BRINP1: variants seen among roughly 807,000 people sequenced by gnomAD.
BRINP1 encodes the protein BMP/retinoic acid inducible neural specific 1, also known as BMP/retinoic acid-inducible neural-specific protein 1.
In BRINP1, 17 loss-of-function variants were observed where a neutral mutation model predicts 72.9. That is an observed-to-expected ratio of 0.23 (90% CI 0.16 to 0.35). The LOEUF (loss-of-function observed/expected upper bound fraction) is 0.35, where lower values mean the gene tolerates loss of function less well. Ranked by LOEUF, BRINP1 falls within the 10% of genes least tolerant of loss-of-function variation. The pLI is 1.00. For synonymous variants in BRINP1, 418 were observed against 378.5 expected, an observed-to-expected ratio of 1.10 and a Z score of -1.21; for missense variants, 850 against 1,001.6, an observed-to-expected ratio of 0.85 and a Z score of 2.04.
chr9:119,181,122 C>T (rs572120814), intron 7 of BRINP1, among the ~76,000 whole-genome samples: 1 of 152,218 alleles, frequency 6.6e-6, no homozygotes, highest in South Asian at 2.1e-4. Context: ...GGAAGGCGCC[C>T]GGAGCTTCTC....
chr9:119,316,336 C>T (rs983892425), intron 1 of BRINP1, among the ~76,000 whole-genome samples: 3 of 152,202 alleles, frequency 2.0e-5, no homozygotes, highest in Non-Finnish European at 2.9e-5. Flanking sequence ...GATCTGCCCG[C>T]CTCAGCCTCC....
At chr9:119,203,084 C>T (rs1829821368) in intron 7 of BRINP1, among the ~76,000 whole-genome samples, 1 of 152,098 alleles carries the variant, frequency 6.6e-6, no homozygotes, top group Non-Finnish European at 1.5e-5. Context: ...CTACTACCCT[C>T]AACCTTGACG....
At chr9:119,168,805 A>C (rs1028156864) in intron 7 of BRINP1, among the ~76,000 whole-genome samples, 3 of 152,162 alleles carry the variant, frequency 2.0e-5, no homozygotes, top group Non-Finnish European at 2.9e-5. Context: ...GGTTTTTTAG[A>C]ACATGTTAGA....
intron 7 of BRINP1, among the ~76,000 whole-genome samples, chr9:119,173,440 T>G (rs1207915886): frequency 6.6e-6 from 1 of 151,244 alleles, no homozygotes; most frequent in Non-Finnish European, 1.5e-5. Flanking sequence ...GTGAAGGACC[T>G]CTTCAAGGAG....
At chr9:119,183,698 T>C (rs1449915848) in intron 7 of BRINP1, among the ~76,000 whole-genome samples, 52 of 152,210 alleles carry the variant, frequency 3.4e-4, no homozygotes, top group Admixed American at 3.4e-3. Flanking sequence ...CAGCAAAACA[T>C]GACATTTTCA....
intron 2 of BRINP1, among the ~76,000 whole-genome samples, chr9:119,311,834 C>A (rs1831072196): frequency 6.6e-6 from 1 of 152,190 alleles, no homozygotes; most frequent in African/African-American, 2.4e-5. Flanking sequence ...CATTTGGAAG[C>A]TATACCAGGG....
intron 2 of BRINP1, among the ~76,000 whole-genome samples, chr9:119,282,299 G>T (rs1588190139): frequency 6.6e-6 from 1 of 152,182 alleles, no homozygotes; most frequent in East Asian, 1.9e-4. Context: ...AAATCCACAG[G>T]AGGAAAGAGC....
rs376944365 is a variant in BRINP1, at chr9:119,332,170, C to T, written c.-50-18765G>A. Among the ~76,000 whole-genome samples the T allele has an allele frequency of 2.0e-4, 30 of 152,300 alleles. 1 individual carries two copies. In the South Asian group the frequency reaches 6.0e-3, roughly 30 times the overall value. ...TCCCATGTGTATGATTTTCAGAAGG[C>T]TACGTCACCACTCCGAGGATCTATT... is the stretch of plus-strand genomic sequence containing the variant. On this transcript the variant is annotated intron_variant, in intron 1 of 7. Coordinates refer to ENST00000265922, the MANE Select transcript of BRINP1 (RefSeq NM_014618.3).
At chr9:119,367,405 GGCTGCC>G (rs1437165490) in intron 1 of BRINP1, among the ~76,000 whole-genome samples, 2 of 151,802 alleles carry the variant, frequency 1.3e-5, no homozygotes, top group East Asian at 3.9e-4. Flanking sequence ...AGAGCAGAAC[GGCTGCC>G]GCTTACCTTG....
At chr9:119,175,135 C>CA (rs112641044) in intron 7 of BRINP1, among the ~76,000 whole-genome samples, 3,880 of 106,624 alleles carry the variant, frequency 0.036, 80 homozygotes, top group Middle Eastern at 0.078. Context: ...AAAAAAAAGA[C>CA]AAAAAAAAAA....
At position 119,167,428 on chromosome 9, in the gene BRINP1, A is replaced by C. The variant is rs748729712; in HGVS notation, c.1942T>G (p.Phe648Val). The change falls in exon 8 of 8, where the codon TTC becomes GTC. Residue 648 changes from phenylalanine to valine, a missense_variant. Transcript: ENST00000265922. The surrounding 1 kb of genome is among the most constrained non-coding windows in gnomAD (Gnocchi z 4.3). ...VDLSDPSKRQ[F>V]YIKISDVQVF... The stretch of plus-strand genomic sequence containing the variant: ...TGCACGTCTGAGATCTTGATGTAGA[A>C]CTGCCTCTTGGAGGGATCCGACAGG... 1.2e-6 allele frequency: 2 copies of C among 1,613,892 alleles called. No homozygotes were observed. Among genetic ancestry groups the C allele is most frequent in the Non-Finnish European group, 1.7e-6 (2 of 1,179,938 alleles).
intron 1 of BRINP1, among the ~76,000 whole-genome samples, chr9:119,366,322 T>C (rs1831690452): frequency 6.6e-6 from 1 of 152,146 alleles, no homozygotes; most frequent in Admixed American, 6.5e-5. Context: ...GTGTACATTT[T>C]GCTCTCTGGA....
chr9:119,224,868 C>A (rs1362989868), intron 5 of BRINP1, among the ~76,000 whole-genome samples: 1 of 152,064 alleles, frequency 6.6e-6, no homozygotes, highest in Non-Finnish European at 1.5e-5. Context: ...GAGCCTCCCA[C>A]AGTGCAGTGC....
rs190168904 is a variant in BRINP1 at position 119,321,757 on chromosome 9, T to C, written c.-50-8352A>G. ...GGTGTGAGTCACCATGCCTGGCCAA[T>C]AGAATTTTAAATAGCTTACTAATGT... On this transcript the variant is annotated intron_variant, in intron 1 of 7. Coordinates refer to ENST00000265922, the MANE Select transcript of BRINP1 (RefSeq NM_014618.3). Among the ~76,000 whole-genome samples, 579 of 152,334 alleles carry C rather than the reference T, an allele frequency of 3.8e-3. 1 individual carries two copies. Among genetic ancestry groups the C allele is most frequent in the Middle Eastern group, 0.01 (3 of 294 alleles).
chr9:119,297,269 T>C (rs1830890743), intron 2 of BRINP1, among the ~76,000 whole-genome samples: 1 of 152,192 alleles, frequency 6.6e-6, no homozygotes, highest in South Asian at 2.1e-4. Flanking sequence ...AGGGTTATAA[T>C]ATGCTCAGGT....
chr9:119,167,766 A>G lies in BRINP1; in HGVS notation c.1604T>C (p.Met535Thr). The G allele has an allele frequency of 6.2e-7, 1 of 1,614,136 alleles. No homozygotes were observed. Among genetic ancestry groups the G allele is most frequent in the Non-Finnish European group, 8.5e-7 (1 of 1,180,028 alleles). The change falls in exon 8 of 8, where the codon ATG (methionine) becomes ACG (threonine). Residue 535 changes from methionine (M) to threonine (T), a missense_variant. Physicochemically the swap from Met to Thr is moderately conservative, Grantham distance 81 (BLOSUM62 -1). Transcript: ENST00000265922. This position sits in a 1 kb window ranked among gnomAD's most constrained non-coding sequence, Gnocchi z 4.3. ...GCCGATCACCATGTGGATGAAGTCC[A>G]TGCGGTTCTTGTTGCTCTTGAGAGT... ...SLTLKSNKNR[M>T]DFIHMVIGMS...
intron 1 of BRINP1, among the ~76,000 whole-genome samples, chr9:119,328,419 T>C (rs948891119): frequency 6.6e-6 from 1 of 152,194 alleles, no homozygotes; most frequent in African/African-American, 2.4e-5. Flanking sequence ...CCTTTCTCCC[T>C]ACCAGAGAGG....
intron 1 of BRINP1, among the ~76,000 whole-genome samples, chr9:119,319,025 G>A (rs1047962217): frequency 9.2e-5 from 14 of 152,118 alleles, no homozygotes; most frequent in Non-Finnish European, 2.1e-4. Flanking sequence ...GCTGGCATCT[G>A]ATGGGTGGAG....
At chr9:119,271,514 A>G (rs1337058493) in intron 2 of BRINP1, among the ~76,000 whole-genome samples, 2 of 152,102 alleles carry the variant, frequency 1.3e-5, no homozygotes, top group African/African-American at 4.8e-5. Flanking sequence ...TTTATTATTT[A>G]TAGGAGAATG....
Sources: allele counts gnomAD v4.1 joint callset (sites outside exome capture counted in the v4.1 genomes callset), GRCh38; gene constraint gnomAD v4.1.1; non-coding constraint Gnocchi (gnomAD v3.1); transcripts MANE v1.5; gene names NCBI Gene and HGNC (gene_info 2026-07-23, HGNC 2026-07-21).